Variants in TAFA5 observed in about 807,000 individuals in gnomAD.
TAFA5 encodes chemokine-like protein TAFA-5.
TAFA5 carries 6 observed loss-of-function variants against 15.3 expected under a neutral mutation model. The ratio of observed to expected loss-of-function variants is 0.39; its 90% CI spans 0.21 to 0.77. The LOEUF (loss-of-function observed/expected upper bound fraction) is 0.77. Ranked by LOEUF, TAFA5 falls within the 30% of genes least tolerant of loss-of-function variation. The probability of loss-of-function intolerance (pLI) is 0.41; values close to 1 mark genes in which losing one functional copy is unlikely to be tolerated. For synonymous variants in TAFA5, 103 were observed against 80.7 expected, an observed-to-expected ratio of 1.28 and a Z score of -1.48; for missense variants, 161 against 193.1, an observed-to-expected ratio of 0.83 and a Z score of 0.98.
At chr22:48,645,598 G>C (rs995370240) in intron 1 of TAFA5, among the ~76,000 whole-genome samples, 1 of 152,006 alleles carries the variant, frequency 6.6e-6, no homozygotes, top group African/African-American at 2.4e-5. Context: ...GGTCCTTCCT[G>C]CTTCCCTCGT....
intron 3 of TAFA5, among the ~76,000 whole-genome samples, 188 bp downstream of exon 3, chr22:48,708,032 G>A (rs1453768321): frequency 1.3e-5 from 2 of 151,140 alleles, no homozygotes; most frequent in African/African-American, 2.4e-5. Flanking sequence ...TCTGTCCTGG[G>A]GCAGACGGTC....
intron 1 of TAFA5, among the ~76,000 whole-genome samples, chr22:48,553,778 G>A (rs537324452): frequency 6.6e-6 from 1 of 152,292 alleles, no homozygotes; most frequent in African/African-American, 2.4e-5. Context: ...GGCATGCCCG[G>A]TCCTCGTCTG....
At chr22:48,517,707 G>A (rs1056616050) in intron 1 of TAFA5, among the ~76,000 whole-genome samples, 15 of 136,030 alleles carry the variant, frequency 1.1e-4, no homozygotes, top group African/African-American at 3.8e-4. Flanking sequence ...CCTGGGCCTA[G>A]GCTGGGGCAC....
At chr22:48,703,611 G>A (rs997591495) in intron 2 of TAFA5, among the ~76,000 whole-genome samples, 3 of 152,248 alleles carry the variant, frequency 2.0e-5, no homozygotes, top group African/African-American at 7.2e-5. Context: ...CCTTGTGCTG[G>A]GTAGTGCGCT....
Position 48,490,778 on chromosome 22 carries a change from CAAAA to C in TAFA5, c.112+1087_112+1090del, listed in dbSNP as rs377764643. The stretch of plus-strand genomic sequence containing the variant: ...GTGATGGAAAAATATGGATTCTTTA[CAAAA>C]AAAAAAAAAAAAGGCCAGCACCGAA... On this transcript the variant is annotated intron_variant, in intron 1 of 3. Coordinates refer to ENST00000402357, the MANE Select transcript of TAFA5 (RefSeq NM_001082967.3). This position sits in a 1 kb window ranked among gnomAD's most constrained non-coding sequence, Gnocchi z 5.8. Among the ~76,000 whole-genome samples, 1 of 83,502 alleles carries C rather than the reference CAAAA, an allele frequency of 1.2e-5. No individual in the cohort carries two copies. The allele number at this position is 83,502 out of a possible 152,430, so 54.8% of individuals were successfully genotyped here.
At chr22:48,525,260 G>A (rs1389355000) in intron 1 of TAFA5, among the ~76,000 whole-genome samples, 1 of 152,174 alleles carries the variant, frequency 6.6e-6, no homozygotes, top group African/African-American at 2.4e-5. Context: ...CCTCGGCCCA[G>A]GGGATGCTCC....
At chr22:48,656,697 C>CTT (rs71316950) in intron 2 of TAFA5, among the ~76,000 whole-genome samples, 11 of 83,468 alleles carry the variant, frequency 1.3e-4, no homozygotes, top group East Asian at 1.1e-3. Flanking sequence ...ACCAAAAGTT[C>CTT]TTTTTTTTTT....
At chr22:48,692,460 C>T (rs112516543) in intron 2 of TAFA5, among the ~76,000 whole-genome samples, 1 of 152,186 alleles carries the variant, frequency 6.6e-6, no homozygotes, top group Non-Finnish European at 1.5e-5. Context: ...GACTGAGTCT[C>T]GCCGTGTTGC....
chr22:48,671,231 C>T (rs1927794134), intron 2 of TAFA5, among the ~76,000 whole-genome samples: 1 of 152,162 alleles, frequency 6.6e-6, no homozygotes, highest in African/African-American at 2.4e-5. Context: ...GGGAAACAGC[C>T]AGGAGGACCA....
At chr22:48,610,780 A>G (rs1480252844) in intron 1 of TAFA5, among the ~76,000 whole-genome samples, 5 of 152,086 alleles carry the variant, frequency 3.3e-5, no homozygotes, top group African/African-American at 1.2e-4. Context: ...ATGGGGAGGG[A>G]AGGATGGTGA....
Position 48,577,710 on chromosome 22 carries a change from G to A in TAFA5, c.113-68887G>A, listed in dbSNP as rs112357094. 6.9e-3 allele frequency among the ~76,000 whole-genome samples: 1,048 copies of A among 152,340 alleles called. 10 individuals carry two copies. Among genetic ancestry groups the A allele is most frequent in the African/African-American group, 0.024 (990 of 41,578 alleles). ...CGGCCCGAGACCCTGTGACCTCCAC[G>A]GGCCTGGTGTCCACTTCCCTCCCTT... On this transcript the variant is annotated intron_variant, in intron 1 of 3. Transcript: ENST00000402357.
chr22:48,620,933 C>CA (rs1569051149), intron 1 of TAFA5, among the ~76,000 whole-genome samples: 1 of 85,330 alleles, frequency 1.2e-5, no homozygotes, highest in Non-Finnish European at 2.5e-5. Flanking sequence ...TTCATCCATC[C>CA]CCCCACCCAC....
intron 3 of TAFA5, among the ~76,000 whole-genome samples, chr22:48,715,135 G>GAAT (rs1354548751): frequency 1.3e-5 from 2 of 152,164 alleles, no homozygotes; most frequent in African/African-American, 4.8e-5. Context: ...TGAACTTTGG[G>GAAT]GGCCCCCCAT....
At chr22:48,540,989 C>A (rs540633733) in intron 1 of TAFA5, among the ~76,000 whole-genome samples, 11 of 152,216 alleles carry the variant, frequency 7.2e-5, no homozygotes, top group African/African-American at 2.4e-4. Context: ...TGGGCCAAAC[C>A]CTGCAGAGGG....
chr22:48,686,270 G>A (rs1213230543), intron 2 of TAFA5, among the ~76,000 whole-genome samples: 2 of 152,196 alleles, frequency 1.3e-5, no homozygotes, highest in African/African-American at 2.4e-5. Flanking sequence ...ATAATGGAGT[G>A]CATAGACAGA....
At chr22:48,551,813 C>A (rs142359508) in intron 1 of TAFA5, among the ~76,000 whole-genome samples, 1 of 152,326 alleles carries the variant, frequency 6.6e-6, no homozygotes, top group East Asian at 1.9e-4. Context: ...ACCTCTGCCC[C>A]GCCCGCTCCC....
chr22:48,740,909 G>A (rs1930161453), intron 3 of TAFA5, among the ~76,000 whole-genome samples: 1 of 152,164 alleles, frequency 6.6e-6, no homozygotes, highest in African/African-American at 2.4e-5. Context: ...CCTTAGAAAT[G>A]GCAGCAGTGA....
intron 1 of TAFA5, among the ~76,000 whole-genome samples, chr22:48,553,386 A>G (rs576847624): frequency 6.6e-6 from 1 of 152,312 alleles, no homozygotes; most frequent in South Asian, 2.1e-4. Flanking sequence ...GACCAAGGAC[A>G]GATTGCCCGG....
intron 1 of TAFA5, among the ~76,000 whole-genome samples, chr22:48,501,962 A>C (rs1440810918): frequency 6.6e-6 from 1 of 152,188 alleles, no homozygotes; most frequent in Non-Finnish European, 1.5e-5. Context: ...ATTCCGCCCC[A>C]TGCCGCCTGC....
Sources: allele counts gnomAD v4.1 joint callset (sites outside exome capture counted in the v4.1 genomes callset), GRCh38; gene constraint gnomAD v4.1.1; non-coding constraint Gnocchi (gnomAD v3.1); transcripts MANE v1.5; gene names NCBI Gene and HGNC (gene_info 2026-07-23, HGNC 2026-07-21).